MAGI2: variants seen among roughly 807,000 people sequenced by gnomAD.
MAGI2 encodes the protein membrane-associated guanylate kinase, WW and PDZ domain-containing protein 2.
In MAGI2, 35 loss-of-function variants were observed where a neutral mutation model predicts 133.3. The ratio of observed to expected loss-of-function variants is 0.26; its 90% CI spans 0.20 to 0.35. The LOEUF is 0.35. Ranked by LOEUF, MAGI2 falls within the 10% of genes least tolerant of loss-of-function variation. MAGI2 has a pLI of 1.00. For synonymous variants in MAGI2, 729 were observed against 710.6 expected, an observed-to-expected ratio of 1.03 and a Z score of -0.41; for missense variants, 1,636 against 1,863.4, an observed-to-expected ratio of 0.88 and a Z score of 2.25.
At chr7:79,061,471 G>C (rs1017945060) in intron 1 of MAGI2, among the ~76,000 whole-genome samples, 1 of 151,892 alleles carries the variant, frequency 6.6e-6, no homozygotes, top group Non-Finnish European at 1.5e-5. Context: ...CTAGTGTTTA[G>C]GATAGCGTGC....
chr7:78,977,744 T>A (rs1400267135), intron 2 of MAGI2, among the ~76,000 whole-genome samples: 3 of 151,714 alleles, frequency 2.0e-5, no homozygotes, highest in Non-Finnish European at 4.4e-5. Context: ...GATATAAAAA[T>A]GCAAGCTACA....
chr7:79,120,057 T>A (rs572981686), intron 1 of MAGI2, among the ~76,000 whole-genome samples: 16 of 152,222 alleles, frequency 1.1e-4, no homozygotes, highest in African/African-American at 3.1e-4. Context: ...TTTGAGTAGA[T>A]CTTACATTAT....
At chr7:78,164,492 C>T (rs1211661392) in intron 15 of MAGI2, among the ~76,000 whole-genome samples, 2 of 151,702 alleles carry the variant, frequency 1.3e-5, no homozygotes, top group South Asian at 4.2e-4. Context: ...TGCAGACATT[C>T]CCAGTTTATA....
chr7:78,339,656 C>A (rs1001414814), intron 9 of MAGI2, among the ~76,000 whole-genome samples: 2 of 152,116 alleles, frequency 1.3e-5, no homozygotes, highest in Non-Finnish European at 2.9e-5. Context: ...TTATTCTAAT[C>A]GTAGGCAATA....
intron 2 of MAGI2, among the ~76,000 whole-genome samples, chr7:78,707,516 T>C (rs184275217): frequency 9.9e-5 from 15 of 152,232 alleles, no homozygotes; most frequent in African/African-American, 3.4e-4. Flanking sequence ...ATAATACCTA[T>C]AGGCACTGAT....
rs374433240 is a variant in MAGI2 at position 78,977,067 on chromosome 7, A to G, written c.418+30023T>C. On this transcript the variant is annotated intron_variant, in intron 2 of 21. Coordinates refer to ENST00000354212, the MANE Select transcript of MAGI2 (RefSeq NM_012301.4). ...ATTCTAATTCAAATCCCAGCAAGCT[A>G]TTTTGTAGATATTAAGAAAATGTTT... 8.2e-4 allele frequency among the ~76,000 whole-genome samples: 124 copies of G among 151,820 alleles called. 1 individual carries two copies. Among genetic ancestry groups the G allele is most frequent in the Non-Finnish European group, 1.5e-3 (100 of 67,752 alleles).
Position 79,135,983 on chromosome 7 carries a change from GAA to G in MAGI2, c.302-128779_302-128778del, listed in dbSNP as rs1174011094. 5.7e-4 allele frequency among the ~76,000 whole-genome samples: 20 copies of G among 35,170 alleles called. No individual in the cohort carries two copies. The South Asian group carries it at 0.016, about 28-fold the overall frequency. 23.1% of individuals were successfully genotyped at this position (35,170 alleles called of 152,430 possible). A position where few individuals can be genotyped will look rare whatever the true frequency, so the allele number is the denominator to read the frequency against. ...AGAAAGAAAGAAAGAAAGAAAGAAAGAAAGAAAGAAAGAAAGAAAGAGAAAGA... is the reference window on the plus strand; with the variant it reads ...AGAAAGAAAGAAAGAAAGAAAGAAAGAGAAAGAAAGAAAGAAAGAGAAAGA... On this transcript the variant is annotated intron_variant, in intron 1 of 21. Transcript: ENST00000354212.
chr7:78,841,727 G>T (rs1169941286), intron 2 of MAGI2, among the ~76,000 whole-genome samples: 2 of 152,014 alleles, frequency 1.3e-5, no homozygotes, highest in Non-Finnish European at 2.9e-5. Flanking sequence ...AAGGTGAATA[G>T]AAATTCCATG....
At chr7:79,310,194 A>AAAG (rs1838166554) in intron 1 of MAGI2, among the ~76,000 whole-genome samples, 1 of 93,052 alleles carries the variant, frequency 1.1e-5, no homozygotes, top group Non-Finnish European at 1.9e-5. Flanking sequence ...AAAAAAAAAA[A>AAAG]AGAGAGAGAG....
intron 1 of MAGI2, among the ~76,000 whole-genome samples, chr7:79,359,669 AACAC>A (rs59414419): frequency 0.15 from 21,621 of 139,858 alleles, 1,632 homozygotes; most frequent in South Asian, 0.23. Context: ...TCAAGTGGGA[AACAC>A]ACACACACAC....
At chr7:78,967,333 T>C (rs1050622471) in intron 2 of MAGI2, among the ~76,000 whole-genome samples, 4 of 152,124 alleles carry the variant, frequency 2.6e-5, no homozygotes, top group African/African-American at 7.2e-5. Context: ...AGGAGTTCTT[T>C]ACATACTTTC....
At chr7:79,148,145 C>T (rs1338343644) in intron 1 of MAGI2, among the ~76,000 whole-genome samples, 1 of 152,166 alleles carries the variant, frequency 6.6e-6, no homozygotes, top group African/African-American at 2.4e-5. Context: ...TTCAGAACAG[C>T]TCTTCATGAC....
intron 3 of MAGI2, among the ~76,000 whole-genome samples, chr7:78,613,814 G>A (rs1806744445): frequency 6.6e-6 from 1 of 152,034 alleles, no homozygotes; most frequent in South Asian, 2.1e-4. Flanking sequence ...CCTCTAAGAC[G>A]AATATATACA....
intron 1 of MAGI2, among the ~76,000 whole-genome samples, chr7:79,069,462 C>T (rs1030763917): frequency 6.6e-6 from 1 of 152,104 alleles, no homozygotes; most frequent in Non-Finnish European, 1.5e-5. Flanking sequence ...AAATATTCCT[C>T]CATCCTTTTA....
intron 1 of MAGI2, among the ~76,000 whole-genome samples, chr7:79,356,129 A>T (rs1842002643): frequency 6.6e-6 from 1 of 152,222 alleles, no homozygotes; most frequent in African/African-American, 2.4e-5. Context: ...CATAGGAAGT[A>T]TACAATAATA....
intron 4 of MAGI2, among the ~76,000 whole-genome samples, chr7:78,506,271 G>C (rs1795075552): frequency 6.6e-6 from 1 of 152,246 alleles, no homozygotes; most frequent in African/African-American, 2.4e-5. Flanking sequence ...ATTGGAAACA[G>C]GGAAGGAGGA....
At chr7:79,267,282 T>G (rs1170535664) in intron 1 of MAGI2, among the ~76,000 whole-genome samples, 1 of 152,168 alleles carries the variant, frequency 6.6e-6, no homozygotes, top group East Asian at 1.9e-4. Context: ...TTTACTGCAC[T>G]GGGTAAGGGG....
At chr7:78,346,185 T>C in intron 7 of MAGI2, 142 bp from the exon 8 acceptor site, 2 of 872,612 alleles carry the variant, frequency 2.3e-6, no homozygotes, top group South Asian at 3.3e-5. Context: ...GCGGTCAGGC[T>C]CCTGACTGGG....
At chr7:78,650,359 G>T (rs1315022616) in intron 2 of MAGI2, among the ~76,000 whole-genome samples, 1 of 152,142 alleles carries the variant, frequency 6.6e-6, no homozygotes, top group African/African-American at 2.4e-5. Context: ...AGGCATCCAG[G>T]GCTATAGAAT....
Sources: allele counts gnomAD v4.1 joint callset (sites outside exome capture counted in the v4.1 genomes callset), GRCh38; gene constraint gnomAD v4.1.1; transcripts MANE v1.5; gene names NCBI Gene and HGNC (gene_info 2026-07-23, HGNC 2026-07-21).